Variants in CTNNA2 observed in about 807,000 individuals in gnomAD.
CTNNA2 encodes catenin alpha 2.
A neutral mutation model predicts 101.0 loss-of-function variants in CTNNA2; 42 were observed. The ratio of observed to expected loss-of-function variants is 0.42; its 90% CI spans 0.32 to 0.54. The LOEUF is 0.54. Among genes scored for constraint, CTNNA2 ranks in the 20% least tolerant of loss-of-function variants. The pLI is 0.14. For missense variants in CTNNA2, 871 were observed against 1,223.1 expected (o/e 0.71, Z 4.29); for synonymous variants, 450 against 456.4 (o/e 0.99, Z 0.18).
chr2:79,814,638 C>CACACACACACACACACACATATATAT (rs145584853), intron 3 of CTNNA2, among the ~76,000 whole-genome samples: 1 of 146,962 alleles, frequency 6.8e-6, no homozygotes, highest in African/African-American at 2.6e-5. Context: ...CACACACACA[C>CACACACACACACACACACATATATAT]ATATATATAT....
intron 7 of CTNNA2, among the ~76,000 whole-genome samples, chr2:80,076,016 C>T (rs975057152): frequency 2.0e-5 from 3 of 151,522 alleles, no homozygotes; most frequent in Non-Finnish European, 4.4e-5. Context: ...TACTTTGGAA[C>T]CATAAGAAAT....
At chr2:79,699,026 C>A (rs1244082339) in intron 2 of CTNNA2, among the ~76,000 whole-genome samples, 1 of 151,990 alleles carries the variant, frequency 6.6e-6, no homozygotes, top group East Asian at 1.9e-4. Flanking sequence ...TGAACTGATA[C>A]ATTTTTGGCA....
rs184220015 is a variant in CTNNA2 at position 80,104,166 on chromosome 2, G to T, written c.1056+194369G>T. On this transcript the variant is annotated intron_variant, in intron 7 of 18. Transcript: ENST00000402739. ...TTGCCTTCAATAACATATGCAAAGC[G>T]CTAGAATGTGTTCAAACATGTACTT... Among the ~76,000 whole-genome samples the T allele has an allele frequency of 9.9e-5, 15 of 152,226 alleles. 1 individual carries two copies. The highest frequency in any genetic ancestry group is 9.2e-4 in the Admixed American group (14 of 15,282).
chr2:79,380,101 A>G (rs1440531678), intron 4 of CTNNA2, among the ~76,000 whole-genome samples: 1 of 152,174 alleles, frequency 6.6e-6, no homozygotes, highest in Non-Finnish European at 1.5e-5. Flanking sequence ...AACTTTTTAT[A>G]ATCTCCAAAC....
intron 7 of CTNNA2, among the ~76,000 whole-genome samples, chr2:80,048,364 G>T (rs1696662497): frequency 6.6e-6 from 1 of 152,168 alleles, no homozygotes; most frequent in African/African-American, 2.4e-5. Context: ...GAAGGGAGGG[G>T]CAGTGATGAT....
intron 7 of CTNNA2, among the ~76,000 whole-genome samples, chr2:80,247,574 G>A (rs938772952): frequency 2.0e-5 from 3 of 152,164 alleles, no homozygotes; most frequent in African/African-American, 4.8e-5. Context: ...GGAGGAGATA[G>A]TGCCACGTCT....
intron 7 of CTNNA2, among the ~76,000 whole-genome samples, chr2:80,307,296 G>A (rs1189463583): frequency 6.6e-6 from 1 of 151,898 alleles, no homozygotes; most frequent in Non-Finnish European, 1.5e-5. Flanking sequence ...TGTATTTAAA[G>A]CATACCAGCA....
At position 79,961,821 on chromosome 2, in the gene CTNNA2, C is replaced by CAA. The variant is rs35063153; in HGVS notation, c.1056+52045_1056+52046dup. 3.7e-3 allele frequency among the ~76,000 whole-genome samples: 318 copies of CAA among 86,594 alleles called. 4 individuals are homozygous for CAA. Among genetic ancestry groups the CAA allele is most frequent in the Non-Finnish European group, 4.1e-3 (185 of 45,546 alleles). The allele number at this position is 86,594 out of a possible 152,430, so 56.8% of individuals were successfully genotyped here. A position where few individuals can be genotyped will look rare whatever the true frequency, so the allele number is the denominator to read the frequency against. On this transcript the variant is annotated intron_variant, in intron 7 of 18. Coordinates refer to ENST00000402739, the MANE Select transcript of CTNNA2 (RefSeq NM_001282597.3). Reference sequence around the variant, plus strand: ...TGGGTGACAGAGCGAGACTCCGTCTCAAAAAAAAAAAAAAAAAAAAAAGCT... The same window carrying CAA: ...TGGGTGACAGAGCGAGACTCCGTCTCAAAAAAAAAAAAAAAAAAAAAAAAGCT...
At position 79,407,645 on chromosome 2, in the gene CTNNA2, A is replaced by G. The variant is rs187076343; in HGVS notation, c.-135+33632A>G. ...GAGGAGGGCAGAATAGACCTTCCTC[A>G]ACTTATGCCATTGTCAGATAGGAGG... On this transcript the variant is annotated intron_variant, in intron 4 of 21. Transcript: ENST00000466387. Among the ~76,000 whole-genome samples, 4 of 152,130 alleles carry G rather than the reference A, an allele frequency of 2.6e-5. No individual in the cohort carries two copies. The East Asian group carries it at 7.8e-4, about 29-fold the overall frequency.
At chr2:80,550,417 G>A (rs922787134) in intron 11 of CTNNA2, among the ~76,000 whole-genome samples, 33 of 152,152 alleles carry the variant, frequency 2.2e-4, no homozygotes, top group African/African-American at 8.0e-4. Flanking sequence ...TAACAATGAA[G>A]TTTGATGCGT....
intron 7 of CTNNA2, among the ~76,000 whole-genome samples, chr2:80,181,836 G>A (rs1188469601): frequency 1.3e-5 from 2 of 152,158 alleles, no homozygotes; most frequent in Non-Finnish European, 2.9e-5. Context: ...TTCATGCCAA[G>A]GACTATCAGT....
Position 79,479,929 on chromosome 2 carries a change from A to C in CTNNA2, c.-134-25125A>C, listed in dbSNP as rs1232235938. Among the ~76,000 whole-genome samples the C allele has an allele frequency of 2.0e-5, 3 of 152,150 alleles. No individual in the cohort carries two copies. The East Asian group carries it at 5.8e-4, about 29-fold the overall frequency. On this transcript the variant is annotated intron_variant, in intron 4 of 21. Coordinates refer to the CTNNA2 transcript ENST00000466387. ...CAAAGTGAGACTCCATCTCAAAAAAAAAAGAAGGAATAACTGAGGCTGGAT... is the reference window on the plus strand; with the variant it reads ...CAAAGTGAGACTCCATCTCAAAAAACAAAGAAGGAATAACTGAGGCTGGAT...
Position 79,869,955 on chromosome 2 carries a change from T to C in CTNNA2, c.585+20T>C, listed in dbSNP as rs1341382825. ...CAACAGGTGGGAAAGATTTTAGAAATGCTAGGGGAGAAAATGGGTGAGTTT... is the reference window on the plus strand; with the variant it reads ...CAACAGGTGGGAAAGATTTTAGAAACGCTAGGGGAGAAAATGGGTGAGTTT... On this transcript the variant is annotated intron_variant, in intron 5 of 18. Transcript: ENST00000402739. 1.9e-6 allele frequency: 3 copies of C among 1,611,720 alleles called. No individual in the cohort carries two copies. The highest frequency in any genetic ancestry group is 1.3e-5 in the African/African-American group (1 of 74,832).
intron 1 of CTNNA2, among the ~76,000 whole-genome samples, chr2:79,565,130 G>A (rs975334903): frequency 6.6e-6 from 1 of 152,024 alleles, no homozygotes; most frequent in Non-Finnish European, 1.5e-5. Flanking sequence ...TGATGGTCTG[G>A]TGGTGGTGGT....
chr2:79,334,280 T>C (rs1296994469), intron 3 of CTNNA2, among the ~76,000 whole-genome samples: 1 of 152,102 alleles, frequency 6.6e-6, no homozygotes, highest in Non-Finnish European at 1.5e-5. Context: ...AATGACTTCC[T>C]CAAGGTCATA....
chr2:79,869,979 TTAAA>T, intron 5 of CTNNA2, 44 bp downstream of exon 5: 1 of 1,606,598 alleles, frequency 6.2e-7, no homozygotes, highest in Non-Finnish European at 8.5e-7. Flanking sequence ...ATGGGTGAGT[TTAAA>T]TAACCCTGTA....
chr2:80,639,041 T>C (rs544154140), intron 18 of CTNNA2, among the ~76,000 whole-genome samples: 1 of 126,294 alleles, frequency 7.9e-6, no homozygotes, highest in Non-Finnish European at 1.9e-5. Context: ...GAAGAAAAGA[T>C]AACAGACCTC....
At chr2:79,763,192 T>C (rs1188026792) in intron 3 of CTNNA2, among the ~76,000 whole-genome samples, 1 of 152,064 alleles carries the variant, frequency 6.6e-6, no homozygotes, top group African/African-American at 2.4e-5. Flanking sequence ...AAATCTTCAA[T>C]TTGCATTTCT....
At chr2:79,644,644 C>A (rs997208745) in intron 1 of CTNNA2, among the ~76,000 whole-genome samples, 1 of 152,300 alleles carries the variant, frequency 6.6e-6, no homozygotes, top group Non-Finnish European at 1.5e-5. Flanking sequence ...AGACCAATGG[C>A]AACTTGGGGA....
Sources: allele counts gnomAD v4.1 joint callset (sites outside exome capture counted in the v4.1 genomes callset), GRCh38; gene constraint gnomAD v4.1.1; transcripts MANE v1.5; gene names NCBI Gene and HGNC (gene_info 2026-07-23, HGNC 2026-07-21).